The following BLTP1 variants were observed in gnomAD, a reference collection of about 807,000 sequenced individuals.
The protein encoded by BLTP1 is bridge-like lipid transfer protein family member 1.
At chr4:122,250,019 T>G in the BLTP1 span, 2 of 937,856 alleles carry the variant, frequency 2.1e-6, no homozygotes, top group Non-Finnish European at 2.5e-6. Flanking sequence ...CCATATAGGA[T>G]ATAAAAACTG....
At chr4:122,203,800 A>G in the BLTP1 span, 1 of 522,108 alleles carries the variant, frequency 1.9e-6, no homozygotes, top group Non-Finnish European at 2.5e-6. Flanking sequence ...AAAAACTAAC[A>G]CGATTTATTA....
At chr4:122,263,640 G>T in the BLTP1 span, 1 of 1,287,370 alleles carries the variant, frequency 7.8e-7, no homozygotes, top group South Asian at 1.4e-5. Flanking sequence ...CTGTCTTAAG[G>T]GGAACATATA....
At chr4:122,154,346 T>G in the BLTP1 span, 1 of 985,156 alleles carries the variant, frequency 1.0e-6, no homozygotes, top group Non-Finnish European at 1.2e-6. Context: ...TGGTTTAATC[T>G]GCCTATATTG....
the BLTP1 span, among the ~76,000 whole-genome samples, chr4:122,352,355 C>CTTTTTT: frequency 4.4e-4 from 49 of 111,684 alleles, 2 homozygotes; most frequent in East Asian, 6.0e-3. Context: ...TTTGGTTTTT[C>CTTTTTT]TTTTTTTTTT....
chr4:122,256,811 A>AT, the BLTP1 span: 13 of 505,332 alleles, frequency 2.6e-5, no homozygotes, highest in South Asian at 8.6e-5. Context: ...ATAGTAATTT[A>AT]TTTTTTTAAA....
the BLTP1 span, chr4:122,277,690 A>T: frequency 1.3e-5 from 13 of 982,330 alleles, no homozygotes; most frequent in Non-Finnish European, 1.6e-5. Context: ...ACTCACTGAA[A>T]ATGAAAAGCA....
the BLTP1 span, chr4:122,298,663 A>ACTTCTG: frequency 1.2e-4 from 1 of 8,206 alleles, no homozygotes; most frequent in Non-Finnish European, 1.9e-4. Flanking sequence ...AACATTAGGT[A>ACTTCTG]TTTAAACATA....
At chr4:122,163,321 A>C in the BLTP1 span, among the ~76,000 whole-genome samples, 1 of 152,220 alleles carries the variant, frequency 6.6e-6, no homozygotes, top group East Asian at 1.9e-4. Flanking sequence ...AAGACATCAA[A>C]TAAACTACCA....
the BLTP1 span, chr4:122,316,728 T>C: frequency 1.9e-6 from 3 of 1,603,110 alleles, no homozygotes; most frequent in Non-Finnish European, 2.6e-6. Context: ...TTTTGACTTT[T>C]CAGGAAGCCA....
At chr4:122,325,362 A>G in the BLTP1 span, 1 of 1,551,914 alleles carries the variant, frequency 6.4e-7, no homozygotes, top group Non-Finnish European at 8.7e-7. Context: ...ATTGCTAAGT[A>G]GTTTTTACAA....
chr4:122,334,811 A>G, the BLTP1 span, among the ~76,000 whole-genome samples: 1 of 152,090 alleles, frequency 6.6e-6, no homozygotes, highest in African/African-American at 2.4e-5. Flanking sequence ...TGTATATATA[A>G]AAAGAGTAGT....
chr4:122,202,156 G>T, the BLTP1 span, among the ~76,000 whole-genome samples: 1 of 152,048 alleles, frequency 6.6e-6, no homozygotes, highest in Non-Finnish European at 1.5e-5. Context: ...TAGATAGACT[G>T]CTTCTGCTTT....
At chr4:122,349,230 G>A in the BLTP1 span, 1 of 1,613,312 alleles carries the variant, frequency 6.2e-7, no homozygotes, top group Non-Finnish European at 8.5e-7. The surrounding 1 kb of genome is among the most constrained non-coding windows in gnomAD (Gnocchi z 4.5). Flanking sequence ...AGATCAGCAT[G>A]TCTGTTGGTC....
the BLTP1 span, among the ~76,000 whole-genome samples, chr4:122,312,109 C>T: frequency 6.6e-6 from 1 of 152,126 alleles, no homozygotes; most frequent in African/African-American, 2.4e-5. Context: ...CATCATAGCT[C>T]ACTGCAGCCT....
At chr4:122,298,679 A>C in the BLTP1 span, 1 of 611,650 alleles carries the variant, frequency 1.6e-6, no homozygotes, top group Non-Finnish European at 2.0e-6. Flanking sequence ...ACATATAATA[A>C]TAAAAAGATT....
the BLTP1 span, chr4:122,210,891 A>G: frequency 6.2e-7 from 1 of 1,611,940 alleles, no homozygotes; most frequent in Non-Finnish European, 8.5e-7. Context: ...TTACAGTATC[A>G]GAAATGGAAG....
At chr4:122,208,423 A>G in the BLTP1 span, 1 of 984,916 alleles carries the variant, frequency 1.0e-6, no homozygotes, top group Admixed American at 6.2e-5. Flanking sequence ...CCTATTAGGA[A>G]AAAAGTAAAG....
chr4:122,177,473 GA>G, the BLTP1 span, among the ~76,000 whole-genome samples: 1 of 152,124 alleles, frequency 6.6e-6, no homozygotes, highest in South Asian at 2.1e-4. Context: ...TCTCTTCCCA[GA>G]TTTTCCCGTG....
the BLTP1 span, chr4:122,355,818 T>C: frequency 3.7e-6 from 6 of 1,602,362 alleles, no homozygotes; most frequent in South Asian, 1.1e-5. Context: ...TTCGTAATGT[T>C]GATGCTAACA....
Sources: gnomAD v4.1 joint callset for allele counts (sites outside exome capture counted in the v4.1 genomes callset) on GRCh38, gnomAD v4.1.1 for gene constraint, Gnocchi (gnomAD v3.1) non-coding constraint, MANE v1.5 for transcripts, NCBI Gene and HGNC (gene_info 2026-07-23, HGNC 2026-07-21) for gene names.